Variants in DMD observed in about 807,000 individuals in gnomAD.
DMD encodes dystrophin, also known as mutant dystrophin.
In DMD, 63 loss-of-function variants were observed where a neutral mutation model predicts 330.1. The observed-to-expected ratio is 0.19, with a 90% CI of 0.16 to 0.24. DMD has a LOEUF of 0.24. Among genes scored for constraint, DMD ranks in the 10% least tolerant of loss-of-function variants. The pLI, the probability that DMD is intolerant of heterozygous loss-of-function variation, is 1.00. For synonymous variants in DMD, 1,223 were observed against 959.8 expected (o/e 1.27, Z -5.07); for missense variants, 3,344 against 2,684.1 (o/e 1.25, Z -5.43).
intron 60 of DMD, among the ~76,000 whole-genome samples, chrX:31,388,570 A>C (rs2060557599): frequency 8.9e-6 from 1 of 112,038 alleles, no homozygotes; most frequent in East Asian, 2.8e-4. Flanking sequence ...TACCTAGCTC[A>C]ATACCTCATT....
chrX:32,472,788 T>A (rs2040800781), intron 21 of DMD, among the ~76,000 whole-genome samples: 1 of 111,097 alleles, frequency 9.0e-6, no homozygotes, highest in African/African-American at 3.3e-5. Flanking sequence ...ATGTCTAATT[T>A]TACTGAAAGA....
chrX:31,825,841 T>C (rs2092882906), intron 49 of DMD, among the ~76,000 whole-genome samples: 1 of 111,848 alleles, frequency 8.9e-6, no homozygotes, highest in East Asian at 2.8e-4. Context: ...GAAAATGAGA[T>C]GGGTCACTAA....
At chrX:31,725,392 T>C (rs2085946463) in intron 52 of DMD, among the ~76,000 whole-genome samples, 2 of 111,290 alleles carry the variant, frequency 1.8e-5, no homozygotes, top group East Asian at 5.6e-4. Context: ...TTTGGGGTGG[T>C]GGTGGGGGGC....
intron 30 of DMD, among the ~76,000 whole-genome samples, chrX:32,406,002 CT>C (rs1221049710): frequency 9.0e-6 from 1 of 111,165 alleles, no homozygotes; most frequent in African/African-American, 3.3e-5. Context: ...GTATTTTATT[CT>C]CTTTGAAGCA....
At chrX:32,489,616 C>A (rs945547699) in intron 20 of DMD, among the ~76,000 whole-genome samples, 17 of 111,434 alleles carry the variant, frequency 1.5e-4, no homozygotes, top group Middle Eastern at 4.6e-3. Context: ...GTTTAAGCCA[C>A]CGAGTCTGTG....
At chrX:31,675,440 G>A (rs1399815907) in intron 53 of DMD, among the ~76,000 whole-genome samples, 1 of 111,957 alleles carries the variant, frequency 8.9e-6, no homozygotes, top group African/African-American at 3.3e-5. Context: ...TTGGCTCACT[G>A]CAACCTCCGC....
chrX:31,353,370 T>C (rs1230798636), intron 60 of DMD, among the ~76,000 whole-genome samples: 3 of 111,676 alleles, frequency 2.7e-5, no homozygotes, highest in Non-Finnish European at 3.8e-5. Flanking sequence ...AAGATCAGTA[T>C]AGTGTAAAAC....
chrX:31,864,971 TTAA>T (rs2093773956), intron 48 of DMD, among the ~76,000 whole-genome samples: 1 of 112,144 alleles, frequency 8.9e-6, no homozygotes, highest in African/African-American at 3.2e-5. Context: ...GAAGGTCAGG[TTAA>T]AAAGGGTAAG....
chrX:31,832,183 T>G (rs1324879452), intron 49 of DMD, among the ~76,000 whole-genome samples: 1 of 112,298 alleles, frequency 8.9e-6, no homozygotes, highest in African/African-American at 3.2e-5. Flanking sequence ...GAAATCCAAG[T>G]ATTGTTTTAA....
intron 20 of DMD, among the ~76,000 whole-genome samples, chrX:32,490,500 C>T (rs186473406): frequency 1.7e-4 from 19 of 111,408 alleles, no homozygotes; most frequent in Non-Finnish European, 3.2e-4. Flanking sequence ...ATGACGGTTC[C>T]TTGTCCTTTG....
At chrX:31,941,194 T>C in intron 45 of DMD, among the ~76,000 whole-genome samples, 1 of 111,649 alleles carries the variant, frequency 9.0e-6, no homozygotes, top group Non-Finnish European at 1.9e-5. Flanking sequence ...ACATCACCTA[T>C]CAGTAAAGCC....
At chrX:31,410,741 A>G (rs931804265) in intron 60 of DMD, among the ~76,000 whole-genome samples, 1 of 107,256 alleles carries the variant, frequency 9.3e-6, no homozygotes, top group Non-Finnish European at 1.9e-5. Context: ...TTATATATAT[A>G]TATTTATATA....
At chrX:33,036,010 G>T (rs2094197770) in intron 1 of DMD, among the ~76,000 whole-genome samples, 1 of 111,759 alleles carries the variant, frequency 8.9e-6, no homozygotes. Flanking sequence ...TCAAGATAAA[G>T]AAACATCTTC....
intron 7 of DMD, among the ~76,000 whole-genome samples, chrX:32,714,307 T>C (rs1248623795): frequency 9.0e-6 from 1 of 111,398 alleles, no homozygotes; most frequent in Non-Finnish European, 1.9e-5. Context: ...TAATTTTTCA[T>C]CTCTCACCCC....
At chrX:33,279,600 T>C (rs989164272) in intron 1 of DMD, among the ~76,000 whole-genome samples, 6 of 111,321 alleles carry the variant, frequency 5.4e-5, no homozygotes, top group Non-Finnish European at 1.1e-4. Context: ...CTGTGTCATA[T>C]GCTAAGTCCA....
At chrX:32,716,272 G>A (rs1217592922) in intron 7 of DMD, among the ~76,000 whole-genome samples, 1 of 110,851 alleles carries the variant, frequency 9.0e-6, no homozygotes, top group East Asian at 2.9e-4. Flanking sequence ...GGATCATGAG[G>A]GTGAATTTCC....
intron 1 of DMD, among the ~76,000 whole-genome samples, chrX:33,023,128 C>T (rs12836682): frequency 0.034 from 3,752 of 111,423 alleles, 104 homozygotes; most frequent in East Asian, 0.18. Context: ...TTTTAACATC[C>T]AAAAATCAAT....
chrX:31,842,616 A>C, intron 48 of DMD, among the ~76,000 whole-genome samples: 1 of 112,260 alleles, frequency 8.9e-6, no homozygotes. Flanking sequence ...GTCAGCAGCT[A>C]TCTCCGTCAA....
intron 63 of DMD, among the ~76,000 whole-genome samples, chrX:31,254,932 C>T (rs2049775862): frequency 9.3e-6 from 1 of 107,270 alleles, no homozygotes; most frequent in Non-Finnish European, 1.9e-5. Flanking sequence ...ATAGTCCCAG[C>T]TACTTGGAAG....
Sources: allele counts gnomAD v4.1 joint callset (sites outside exome capture counted in the v4.1 genomes callset), GRCh38; gene constraint gnomAD v4.1.1; transcripts MANE v1.5; gene names NCBI Gene and HGNC (gene_info 2026-07-23, HGNC 2026-07-21).